Variants in SHC3 observed in about 807,000 individuals in gnomAD.
SHC3 encodes SHC adaptor protein 3, also known as SHC-transforming protein 3.
In SHC3, 15 loss-of-function variants were observed where a neutral mutation model predicts 60.4. That is an observed-to-expected ratio of 0.25 (90% CI 0.17 to 0.38). The LOEUF (loss-of-function observed/expected upper bound fraction) is 0.38. Among genes scored for constraint, SHC3 ranks in the 10% least tolerant of loss-of-function variants. The pLI is 1.00. For missense variants in SHC3, 677 were observed against 786.1 expected, an observed-to-expected ratio of 0.86 and a Z score of 1.66; for synonymous variants, 294 against 325.9, an observed-to-expected ratio of 0.90 and a Z score of 1.05.
chr9:89,110,775 G>A (rs575295948), intron 2 of SHC3, among the ~76,000 whole-genome samples: 1 of 152,262 alleles, frequency 6.6e-6, no homozygotes, highest in Admixed American at 6.5e-5. Context: ...CAAGAATAAT[G>A]CTCCACTTGT....
intron 2 of SHC3, chr9:89,109,971 G>T (rs762932990): frequency 2.0e-6 from 2 of 985,386 alleles, no homozygotes; most frequent in Non-Finnish European, 2.4e-6. Context: ...ATGCCTCATT[G>T]TTTTATTAAG....
chr9:89,090,132 C>A (rs1825599482), intron 2 of SHC3, among the ~76,000 whole-genome samples: 1 of 152,136 alleles, frequency 6.6e-6, no homozygotes, highest in African/African-American at 2.4e-5. Context: ...TGCCCTTACT[C>A]CAAGGTGGAG....
At position 89,042,808 on chromosome 9, in the gene SHC3, T is replaced by G. The variant is rs965788371; in HGVS notation, c.1202-624A>C. On this transcript the variant is annotated intron_variant, in intron 9 of 11. Coordinates refer to ENST00000375835, the MANE Select transcript of SHC3 (RefSeq NM_016848.6). The stretch of plus-strand genomic sequence containing the variant: ...TCGATGTGACTTCACAGCTAGCCAA[T>G]GGGTGTGCTGAGGCTAGGCCAAGGC... Among the ~76,000 whole-genome samples, 5 of 151,964 alleles carry G rather than the reference T, an allele frequency of 3.3e-5. No individual in the cohort carries two copies. The South Asian group carries it at 6.2e-4, about 19-fold the overall frequency.
At chr9:89,112,264 A>T (rs1351930173) in intron 2 of SHC3, among the ~76,000 whole-genome samples, 1 of 152,228 alleles carries the variant, frequency 6.6e-6, no homozygotes, top group Non-Finnish European at 1.5e-5. Flanking sequence ...TTAGAGTTTC[A>T]CACATTAAAG....
chr9:89,107,781 C>A (rs1348609864), intron 2 of SHC3, among the ~76,000 whole-genome samples: 2 of 152,210 alleles, frequency 1.3e-5, no homozygotes, highest in Non-Finnish European at 2.9e-5. Context: ...TGTTCTAATT[C>A]CGAAATTCAA....
intron 7 of SHC3, 69 bp from the exon 8 acceptor site, chr9:89,047,063 T>A (rs527559838): frequency 7.0e-7 from 1 of 1,433,758 alleles, no homozygotes; most frequent in African/African-American, 1.4e-5. Flanking sequence ...ACAAATCTAA[T>A]GTTAGCGCCT....
intron 11 of SHC3, among the ~76,000 whole-genome samples, chr9:89,029,803 T>C (rs777520821): frequency 6.6e-6 from 1 of 152,228 alleles, no homozygotes; most frequent in Non-Finnish European, 1.5e-5. Context: ...GATTAACTGA[T>C]TTTAAAAGCA....
intron 2 of SHC3, among the ~76,000 whole-genome samples, chr9:89,097,298 C>T (rs1825719539): frequency 6.6e-6 from 1 of 152,158 alleles, no homozygotes; most frequent in Non-Finnish European, 1.5e-5. Flanking sequence ...AAAGGCTTTA[C>T]TTCAAAAGGA....
intron 1 of SHC3, among the ~76,000 whole-genome samples, chr9:89,118,040 A>C (rs944025293): frequency 3.3e-5 from 5 of 151,942 alleles, no homozygotes; most frequent in Non-Finnish European, 7.4e-5. Context: ...TTTTTTTCTG[A>C]AGAGATTTAA....
chr9:89,132,209 GA>G (rs1293424190), intron 1 of SHC3, among the ~76,000 whole-genome samples: 2 of 152,162 alleles, frequency 1.3e-5, no homozygotes, highest in Non-Finnish European at 2.9e-5. Context: ...CAAGGTATGT[GA>G]AGGACCTCTT....
intron 10 of SHC3, among the ~76,000 whole-genome samples, chr9:89,040,064 C>A (rs1298247577): frequency 1.3e-5 from 2 of 150,002 alleles, no homozygotes; most frequent in East Asian, 2.0e-4. Context: ...TCACCATCAC[C>A]ACCACCACCT....
chr9:89,075,362 T>C, intron 3 of SHC3, 134 bp from the exon 4 acceptor site: 1 of 1,213,356 alleles, frequency 8.2e-7, no homozygotes, highest in Non-Finnish European at 1.1e-6. Context: ...AAATGTGAAA[T>C]GAATAAGCTG....
Position 89,013,420 on chromosome 9 carries a change from G to A in SHC3, c.*27C>T, listed in dbSNP as rs747696638. ...ACTCCAGGTCCTCCTGACCTGGTGC[G>A]CAGTGCTGGGAGCAGTGCTGGCCAG... On this transcript the variant is annotated 3_prime_UTR_variant, in exon 12 of 12. Coordinates refer to ENST00000375835, the MANE Select transcript of SHC3 (RefSeq NM_016848.6). The A allele has an allele frequency of 1.5e-5, 23 of 1,539,676 alleles. No individual in the cohort carries two copies. The East Asian group carries it at 1.7e-4, about 11-fold the overall frequency.
intron 1 of SHC3, among the ~76,000 whole-genome samples, chr9:89,113,366 T>C (rs942684900): frequency 6.6e-6 from 1 of 152,158 alleles, no homozygotes; most frequent in African/African-American, 2.4e-5. Context: ...TACAGATGTT[T>C]TAGATAAATG....
intron 6 of SHC3, among the ~76,000 whole-genome samples, chr9:89,059,640 A>AT (rs1825036165): frequency 1.1e-5 from 1 of 94,290 alleles, no homozygotes; most frequent in Non-Finnish European, 2.1e-5. Flanking sequence ...GTGGTGGAGG[A>AT]CGTGATGGAG....
chr9:89,085,510 T>C (rs1825514538), intron 2 of SHC3, among the ~76,000 whole-genome samples: 1 of 152,226 alleles, frequency 6.6e-6, no homozygotes, highest in African/African-American at 2.4e-5. Context: ...TAAAGTCTTT[T>C]TCCGTAGGAT....
At chr9:89,030,786 TTCCGTTTTTCC>T (rs2118666644) in intron 11 of SHC3, among the ~76,000 whole-genome samples, 1 of 152,354 alleles carries the variant, frequency 6.6e-6, no homozygotes, top group South Asian at 2.1e-4. Flanking sequence ...TATATTTTCC[TTCCGTTTTTCC>T]TCCATACCAG....
At chr9:89,158,062 C>G (rs1025200025) in intron 1 of SHC3, among the ~76,000 whole-genome samples, 2 of 151,218 alleles carry the variant, frequency 1.3e-5, no homozygotes, top group African/African-American at 2.4e-5. Context: ...TTGCTTTAAC[C>G]CTTTTTTTTA....
chr9:89,069,747 C>T (rs1398932675), intron 5 of SHC3, among the ~76,000 whole-genome samples: 3 of 152,250 alleles, frequency 2.0e-5, no homozygotes, highest in South Asian at 4.1e-4. Context: ...GGCCATGATG[C>T]CTGCCTCTGG....
Sources: gnomAD v4.1 joint callset for allele counts (sites outside exome capture counted in the v4.1 genomes callset) on GRCh38, gnomAD v4.1.1 for gene constraint, MANE v1.5 for transcripts, NCBI Gene and HGNC (gene_info 2026-07-23, HGNC 2026-07-21) for gene names.